Variants in SEMA4G observed in about 807,000 individuals in gnomAD.
SEMA4G encodes semaphorin 4G, also known as semaphorin-4G.
Under a neutral mutation model 81.2 loss-of-function variants are expected in SEMA4G, and 59 were observed. The observed-to-expected ratio is 0.73, with a 90% CI of 0.59 to 0.90. The LOEUF is 0.90. Ranked by LOEUF, SEMA4G falls within the 40% of genes least tolerant of loss-of-function variation. The pLI is 0.00. For synonymous variants in SEMA4G, 404 were observed against 433.9 expected (o/e 0.93, Z 0.86); for missense variants, 952 against 1,102.3 (o/e 0.86, Z 1.93).
chr10:100,970,374 G>T (rs1589976590), upstream of SEMA4G, among the ~76,000 whole-genome samples: 1 of 151,626 alleles, frequency 6.6e-6, no homozygotes, highest in South Asian at 2.1e-4. Flanking sequence ...CTTTAGAACC[G>T]CAATATACAT....
intron 8 of SEMA4G, among the ~76,000 whole-genome samples, 176 bp from the exon 10 acceptor site, chr10:100,979,672 A>G (rs985745041): frequency 3.3e-5 from 5 of 152,142 alleles, no homozygotes; most frequent in Admixed American, 2.0e-4. Flanking sequence ...TTTTAAGCAC[A>G]TCAAGCTAGG....
At chr10:100,972,263 T>TCCTTTGACA (rs2133856049), upstream of SEMA4G, among the ~76,000 whole-genome samples, 1 of 152,174 alleles carries the variant, frequency 6.6e-6, no homozygotes, top group South Asian at 2.1e-4. Context: ...GAGGGCCTAG[T>TCCTTTGACA]GGAGCTTCTG....
chr10:100,983,426 C>A, exon 14 of SEMA4G: 1 of 1,613,522 alleles, frequency 6.2e-7, no homozygotes, highest in Non-Finnish European at 8.5e-7. Flanking sequence ...TGGGCCTGAG[C>A]GATGGGCAGG....
upstream of SEMA4G, among the ~76,000 whole-genome samples, chr10:100,972,158 AC>A (rs1312897266): frequency 6.6e-6 from 1 of 151,936 alleles, no homozygotes; most frequent in Non-Finnish European, 1.5e-5. Context: ...TGCATAAGGC[AC>A]CCCCGCAGGC....
intron 3 of SEMA4G, among the ~76,000 whole-genome samples, chr10:100,974,167 A>G (rs1218313135): frequency 6.6e-6 from 1 of 152,036 alleles, no homozygotes; most frequent in African/African-American, 2.4e-5. Context: ...CCAAATAATC[A>G]AAATGGCAAT....
At chr10:100,976,213 G>C (rs942985651) in intron 3 of SEMA4G, among the ~76,000 whole-genome samples, 2 of 152,194 alleles carry the variant, frequency 1.3e-5, no homozygotes, top group African/African-American at 2.4e-5. Flanking sequence ...GAGGCTGGCA[G>C]CTGAGGGCAT....
chr10:100,978,064 A>G (rs1276018234), intron 4 of SEMA4G: 2 of 580,352 alleles, frequency 3.4e-6, no homozygotes, highest in Non-Finnish European at 6.1e-6. Context: ...TTCATAGATA[A>G]GGAGTGAATC....
chr10:100,979,088 C>T lies in SEMA4G; in HGVS notation c.814-14C>T, dbSNP rs1022071364. The T allele has an allele frequency of 1.9e-6, 3 of 1,613,716 alleles. No individual in the cohort carries two copies. Among genetic ancestry groups the T allele is most frequent in the Non-Finnish European group, 2.5e-6 (3 of 1,179,734 alleles). ...CTGACCCTGGCCCCTTATCCCGTGC[C>T]TCTACCTCCCCAGGGAGACCTGGGA... On this transcript the variant is annotated splice_polypyrimidine_tract_variant and intron_variant, in intron 7 of 13. Transcript: ENST00000370250.
chr10:100,979,776 A>G, intron 8 of SEMA4G, 72 bp from the exon 10 acceptor site: 2 of 1,576,410 alleles, frequency 1.3e-6, no homozygotes, highest in Non-Finnish European at 1.7e-6. Context: ...AGTGAGCTTC[A>G]GGCTGAGCAC....
chr10:100,970,586 CACAA>C (rs748156626), upstream of SEMA4G, among the ~76,000 whole-genome samples: 14 of 152,092 alleles, frequency 9.2e-5, no homozygotes, highest in East Asian at 9.7e-4. Context: ...CACCCCCACA[CACAA>C]ACACACACTT....
At chr10:100,981,442 GTGTCTTGTCACTTC>G (rs1246299379) in intron 13 of SEMA4G, 1 of 1,614,114 alleles carries the variant, frequency 6.2e-7, no homozygotes. Context: ...AAGATGTGAA[GTGTCTTGTCACTTC>G]TGGAGCTTAT....
At chr10:100,977,248 C>A (rs981267782) in intron 3 of SEMA4G, among the ~76,000 whole-genome samples, 1 of 152,106 alleles carries the variant, frequency 6.6e-6, no homozygotes, top group African/African-American at 2.4e-5. Context: ...GGTTGTATCA[C>A]CCCAGCGAGG....
At position 100,973,135 on chromosome 10, in the gene SEMA4G, C is replaced by G. The variant is rs369353258; in HGVS notation, c.131C>G (p.Ser44Cys). 4.6e-5 allele frequency: 74 copies of G among 1,613,924 alleles called. No homozygotes were observed. The highest frequency in any genetic ancestry group is 6.3e-5 in the Non-Finnish European group (74 of 1,180,038). The change falls in exon 2 of 14, where the codon TCT becomes TGT. Residue 44 changes from serine to cysteine, a missense_variant. Coordinates refer to ENST00000370250, the Ensembl canonical transcript of SEMA4G. This position sits in a 1 kb window ranked among gnomAD's most constrained non-coding sequence, Gnocchi z 5.5. ...CTGTTCCTGCTCTCCCCAGAGCTCT[C>G]TGGGACCCGGCACTTCAAGGGCCAA...
intron 8 of SEMA4G, 110 bp from the exon 10 acceptor site, chr10:100,979,738 G>A: frequency 3.2e-6 from 4 of 1,266,614 alleles, no homozygotes; most frequent in Non-Finnish European, 3.4e-6. Context: ...GGCCCTGTGG[G>A]ACTATAGCTG....
At chr10:100,981,611 TG>T in intron 13 of SEMA4G, 2 of 1,567,564 alleles carry the variant, frequency 1.3e-6, no homozygotes, top group Non-Finnish European at 1.8e-6. Context: ...TGCCAGACAC[TG>T]ATCTAAATAC....
At chr10:100,976,276 G>A (rs1198750933) in intron 3 of SEMA4G, among the ~76,000 whole-genome samples, 1 of 152,186 alleles carries the variant, frequency 6.6e-6, no homozygotes, top group African/African-American at 2.4e-5. Flanking sequence ...GAGACCAGAG[G>A]AATGGGCAGA....
At chr10:100,984,922 C>T (rs1335465291), downstream of SEMA4G, 3 of 1,446,464 alleles carry the variant, frequency 2.1e-6, no homozygotes, top group East Asian at 7.5e-5. Context: ...TGTCCCATCC[C>T]CATGCACATG....
chr10:100,972,457 G>C (rs1472658812), upstream of SEMA4G: 2 of 156,216 alleles, frequency 1.3e-5, no homozygotes, highest in Non-Finnish European at 2.8e-5. Context: ...GCCCCCTGAA[G>C]TCTGGGTAAC....
At position 100,973,446 on chromosome 10, in the gene SEMA4G, C is replaced by G; in HGVS notation, c.274-101C>G. On this transcript the variant is annotated intron_variant, in intron 2 of 13. Coordinates refer to ENST00000370250, the Ensembl canonical transcript of SEMA4G. The surrounding 1 kb of genome is among the most constrained non-coding windows in gnomAD (Gnocchi z 5.5). ...TTCAGTGTTCCTCCTGAAATTGATCCCCACCCCAATTTCCCCAACTCTGTG... is the reference window on the plus strand; with the variant it reads ...TTCAGTGTTCCTCCTGAAATTGATCGCCACCCCAATTTCCCCAACTCTGTG... The G allele has an allele frequency of 7.0e-7, 1 of 1,426,296 alleles. No homozygotes were observed. The highest frequency in any genetic ancestry group is 1.2e-5 in the South Asian group (1 of 81,688). The allele number at this position is 1,426,296 out of a possible 1,614,324, so 88.4% of individuals were successfully genotyped here. A position where few individuals can be genotyped will look rare whatever the true frequency, so the allele number is the denominator to read the frequency against.
Sources: allele counts gnomAD v4.1 joint callset (sites outside exome capture counted in the v4.1 genomes callset), GRCh38; gene constraint gnomAD v4.1.1; non-coding constraint Gnocchi (gnomAD v3.1); transcripts MANE v1.5; gene names NCBI Gene and HGNC (gene_info 2026-07-23, HGNC 2026-07-21).